NCOR1: variants seen among roughly 807,000 people sequenced by gnomAD.
The protein encoded by NCOR1 is protein phosphatase 1, regulatory subunit 109.
NCOR1 carries 63 observed loss-of-function variants against 288.1 expected under a neutral mutation model. That is an observed-to-expected ratio of 0.22 (90% confidence interval 0.18 to 0.27). The LOEUF (loss-of-function observed/expected upper bound fraction) is 0.27, where lower values mean the gene tolerates loss of function less well. Among genes scored for constraint, NCOR1 ranks in the 10% least tolerant of loss-of-function variants. The probability of loss-of-function intolerance (pLI) is 1.00; values close to 1 mark genes in which losing one functional copy is unlikely to be tolerated. For missense variants in NCOR1, 2,397 were observed against 3,019.2 expected, an observed-to-expected ratio of 0.79 and a Z score of 4.83; for synonymous variants, 1,007 against 1,065.9, an observed-to-expected ratio of 0.94 and a Z score of 1.08.
At chr17:16,110,192 C>A (rs1226059900) in intron 18 of NCOR1, among the ~76,000 whole-genome samples, 2 of 151,834 alleles carry the variant, frequency 1.3e-5, no homozygotes, top group Admixed American at 6.6e-5. Context: ...CCTGTCCCTA[C>A]AAAAAATAAA....
intron 1 of NCOR1, among the ~76,000 whole-genome samples, chr17:16,204,009 T>C (rs2091189727): frequency 6.6e-6 from 1 of 151,894 alleles, no homozygotes; most frequent in South Asian, 2.1e-4. Context: ...ATTGTCAAAG[T>C]CTGAAAAAAA....
At chr17:16,082,747 AC>A in intron 23 of NCOR1, among the ~76,000 whole-genome samples, 1 of 151,414 alleles carries the variant, frequency 6.6e-6, no homozygotes, top group South Asian at 2.1e-4. Context: ...AGAAGAAAGT[AC>A]AAGAATGATA....
intron 3 of NCOR1, among the ~76,000 whole-genome samples, chr17:16,185,787 G>A (rs571855924): frequency 1.2e-3 from 187 of 149,952 alleles, no homozygotes; most frequent in Non-Finnish European, 6.5e-4. Context: ...GCAACATGGC[G>A]AAATCCTATC....
intron 3 of NCOR1, among the ~76,000 whole-genome samples, chr17:16,181,932 G>A (rs1377200508): frequency 6.6e-6 from 1 of 152,008 alleles, no homozygotes; most frequent in Non-Finnish European, 1.5e-5. Flanking sequence ...AAAAGTATGG[G>A]TAACAAACTT....
Position 16,065,546 on chromosome 17 carries a change from A to T in NCOR1, c.4890T>A (p.Asp1630Glu). ...CTCTTGGGGAGAGTCCTCTGGCCAC[A>T]TCTGGACGCAAGTTCACTTGCATCT... ...SQQMQVNLRP[D>E]VARGLSPREQ... The change falls in exon 33 of 46, where the codon GAT (aspartate) becomes GAA (glutamate). Residue 1630 changes from aspartate (D) to glutamate (E), a missense_variant. Coordinates refer to ENST00000268712, the MANE Select transcript of NCOR1 (RefSeq NM_006311.4). 1 of 1,614,212 alleles carries T rather than the reference A, an allele frequency of 6.2e-7. No individual in the cohort carries two copies.
At chr17:16,104,903 G>A (rs1189868496) in intron 19 of NCOR1, among the ~76,000 whole-genome samples, 1 of 152,200 alleles carries the variant, frequency 6.6e-6, no homozygotes, top group Non-Finnish European at 1.5e-5. Flanking sequence ...AAGGAAATGA[G>A]AGAATGAGCC....
chr17:16,170,171 A>G (rs1378568761), intron 4 of NCOR1, among the ~76,000 whole-genome samples: 1 of 151,478 alleles, frequency 6.6e-6, no homozygotes, highest in Non-Finnish European at 1.5e-5. Context: ...ATTTGAAAAT[A>G]AATTGTAGAT....
chr17:16,191,620 A>C (rs1441024997), intron 2 of NCOR1, among the ~76,000 whole-genome samples: 1 of 152,220 alleles, frequency 6.6e-6, no homozygotes, highest in Non-Finnish European at 1.5e-5. Flanking sequence ...CAGGGAAAAA[A>C]AGTGAACAGA....
At chr17:16,125,247 T>C (rs1290262397) in intron 15 of NCOR1, among the ~76,000 whole-genome samples, 7 of 151,912 alleles carry the variant, frequency 4.6e-5, no homozygotes, top group Admixed American at 4.6e-4. Context: ...CCTGTAATCC[T>C]ACCTACTTGG....
intron 4 of NCOR1, among the ~76,000 whole-genome samples, chr17:16,169,087 A>C (rs1244542836): frequency 6.6e-6 from 1 of 152,234 alleles, no homozygotes; most frequent in African/African-American, 2.4e-5. Context: ...CATATGTGGA[A>C]TACTAAGTAG....
chr17:16,173,508 T>C lies in NCOR1; in HGVS notation c.243-1513A>G, dbSNP rs562739063. Among the ~76,000 whole-genome samples, 16 of 151,668 alleles carry C rather than the reference T, an allele frequency of 1.1e-4. 1 individual carries two copies. Among genetic ancestry groups the C allele is most frequent in the South Asian group, 6.2e-4 (3 of 4,818 alleles). ...ATTCCATATGTGGCACCCTAAAGAA[T>C]TGGCAAAAAAAAAACTATTAGAGCT... is the stretch of plus-strand genomic sequence containing the variant. On this transcript the variant is annotated intron_variant, in intron 3 of 45. Coordinates refer to ENST00000268712, the MANE Select transcript of NCOR1 (RefSeq NM_006311.4).
At chr17:16,092,690 TA>T (rs1567960961) in intron 21 of NCOR1, among the ~76,000 whole-genome samples, 110 of 10,672 alleles carry the variant, frequency 0.01, no homozygotes, top group Non-Finnish European at 0.014. Context: ...TATATATATA[TA>T]TATATTTTTT....
intron 1 of NCOR1, among the ~76,000 whole-genome samples, chr17:16,214,674 G>A (rs1023370812): frequency 2.0e-5 from 3 of 152,080 alleles, no homozygotes; most frequent in African/African-American, 7.2e-5. Context: ...GACTATTCCT[G>A]ATCCAGTTAA....
At chr17:16,044,831 G>T in intron 42 of NCOR1, 1 of 1,065,060 alleles carries the variant, frequency 9.4e-7, no homozygotes. Context: ...ACCTGCTCCA[G>T]CAGCTGGTGC....
chr17:16,080,238 T>C (rs2063193697), intron 25 of NCOR1, 170 bp downstream of exon 25: 1 of 785,354 alleles, frequency 1.3e-6, no homozygotes, highest in South Asian at 2.1e-5. Flanking sequence ...AAAGAACTGC[T>C]GAAACATGGA....
chr17:16,033,088 G>A (rs984001742), intron 45 of NCOR1, among the ~76,000 whole-genome samples: 13 of 152,180 alleles, frequency 8.5e-5, no homozygotes, highest in Non-Finnish European at 1.0e-4. Flanking sequence ...GCTCACGCCT[G>A]TAATCCCAGC....
chr17:16,110,272 C>T (rs2069762248), intron 18 of NCOR1, among the ~76,000 whole-genome samples: 1 of 151,856 alleles, frequency 6.6e-6, no homozygotes, highest in South Asian at 2.1e-4. Context: ...AGGGAGATCG[C>T]TTGAGCCCAA....
At chr17:16,127,647 A>ATG (rs760979285) in intron 14 of NCOR1, among the ~76,000 whole-genome samples, 1 of 143,976 alleles carries the variant, frequency 6.9e-6, no homozygotes, top group Non-Finnish European at 1.5e-5. Context: ...ATATATGTGT[A>ATG]TGTGTATATA....
rs776980999 is a variant in NCOR1 at position 16,121,289 on chromosome 17, A to G, written c.1635-20T>C. On this transcript the variant is annotated intron_variant, in intron 15 of 45. Coordinates refer to ENST00000268712, the MANE Select transcript of NCOR1 (RefSeq NM_006311.4). The stretch of plus-strand genomic sequence containing the variant: ...TTTTCTCTGGACACAAAAGCAAATG[A>G]AAACTTGTGTGATTCCAAAGTATAC... 1.2e-6 allele frequency: 2 copies of G among 1,602,298 alleles called. No homozygotes were observed. The highest frequency in any genetic ancestry group is 1.7e-6 in the Non-Finnish European group (2 of 1,172,786).
Sources: gnomAD v4.1 joint callset for allele counts (sites outside exome capture counted in the v4.1 genomes callset) on GRCh38, gnomAD v4.1.1 for gene constraint, MANE v1.5 for transcripts, NCBI Gene and HGNC (gene_info 2026-07-23, HGNC 2026-07-21) for gene names.